Variants in FAT3 observed in about 807,000 individuals in gnomAD.
FAT3 encodes FAT atypical cadherin 3.
FAT3 carries 95 observed loss-of-function variants against 310.2 expected under a neutral mutation model. That is an observed-to-expected ratio of 0.31 (90% CI 0.26 to 0.36). The LOEUF is 0.36. FAT3 is among the 10% of genes least tolerant of loss of function. The pLI is 1.00. For missense variants in FAT3, 5,408 were observed against 5,715.6 expected, an observed-to-expected ratio of 0.95 and a Z score of 1.74; for synonymous variants, 2,314 against 2,192.9, an observed-to-expected ratio of 1.06 and a Z score of -1.54.
chr11:92,711,584 G>A (rs1008223978), intron 4 of FAT3, among the ~76,000 whole-genome samples: 4 of 152,068 alleles, frequency 2.6e-5, no homozygotes, highest in East Asian at 1.9e-4. Context: ...CAGCTTGCAC[G>A]CAAATATGAA....
chr11:92,400,975 A>T (rs1950000216), intron 2 of FAT3, among the ~76,000 whole-genome samples: 1 of 152,220 alleles, frequency 6.6e-6, no homozygotes, highest in South Asian at 2.1e-4. Context: ...AAGAACAAAT[A>T]GAAAATCTGA....
At chr11:92,330,299 T>C (rs550782995) in intron 1 of FAT3, among the ~76,000 whole-genome samples, 43 of 152,312 alleles carry the variant, frequency 2.8e-4, no homozygotes, top group Non-Finnish European at 5.7e-4. Context: ...CATTAATCCA[T>C]GGAAGCTGCC....
At chr11:92,887,444 C>CT (rs2136432068) in intron 25 of FAT3, among the ~76,000 whole-genome samples, 1 of 152,242 alleles carries the variant, frequency 6.6e-6, no homozygotes, top group East Asian at 1.9e-4. Context: ...TAATTTCTTT[C>CT]TTTTTTTATT....
chr11:92,649,891 A>G (rs1200899706), intron 3 of FAT3, among the ~76,000 whole-genome samples: 1 of 59,562 alleles, frequency 1.7e-5, no homozygotes, highest in African/African-American at 6.3e-5. Context: ...ATATATATAT[A>G]TATATATATA....
At chr11:92,442,081 T>TATA (rs1555047741) in intron 2 of FAT3, among the ~76,000 whole-genome samples, 2 of 69,990 alleles carry the variant, frequency 2.9e-5, no homozygotes, top group African/African-American at 1.6e-4. Flanking sequence ...AATATATATT[T>TATA]TATATATATA....
intron 13 of FAT3, among the ~76,000 whole-genome samples, chr11:92,822,812 T>C (rs985547230): frequency 6.6e-6 from 1 of 152,228 alleles, no homozygotes; most frequent in Admixed American, 6.5e-5. Context: ...TTTCAGCTTC[T>C]ACTGTTGTAA....
Position 92,843,991 on chromosome 11 carries a change from A to G in FAT3, c.10624A>G (p.Ile3542Val). The G allele has an allele frequency of 6.2e-7, 1 of 1,613,882 alleles. No individual in the cohort carries two copies. The highest frequency in any genetic ancestry group is 1.3e-5 in the African/African-American group (1 of 75,040). The change falls in exon 19 of 28, where the codon ATT becomes GTT. Residue 3542 changes from isoleucine (I) to valine (V), a missense_variant. By Grantham distance (29) the Ile-to-Val change is conservative (BLOSUM62 3). This residue lies in a region of FAT3 where 4,588 missense variants were observed against 4,809.8 expected (regional missense o/e 0.95). Transcript: ENST00000525166. ...VSHTYIRVRV[I>V]EESTHKPTAI... ...TCACACTTACATCCGCGTGCGAGTC[A>G]TTGAGGAAAGCACCCACAAGCCCAC...
intron 1 of FAT3, among the ~76,000 whole-genome samples, chr11:92,272,385 A>C (rs908167544): frequency 6.6e-6 from 1 of 152,146 alleles, no homozygotes; most frequent in Non-Finnish European, 1.5e-5. Flanking sequence ...CTACTGTCTG[A>C]GTTCCTAGTA....
intron 3 of FAT3, among the ~76,000 whole-genome samples, chr11:92,634,924 TTC>T: frequency 6.6e-6 from 1 of 152,240 alleles, no homozygotes; most frequent in East Asian, 1.9e-4. Flanking sequence ...CCACACAGCG[TTC>T]TCTCTTTCCA....
chr11:92,691,175 T>G (rs551603534), intron 3 of FAT3, among the ~76,000 whole-genome samples: 4 of 152,278 alleles, frequency 2.6e-5, no homozygotes, highest in African/African-American at 9.6e-5. Flanking sequence ...TTCTTCACAC[T>G]GAAAAGATGC....
intron 4 of FAT3, among the ~76,000 whole-genome samples, chr11:92,744,333 C>T (rs1023711665): frequency 2.6e-5 from 4 of 152,150 alleles, no homozygotes; most frequent in Non-Finnish European, 4.4e-5. Flanking sequence ...ATCTTTACCA[C>T]GCATTAAAGT....
chr11:92,658,641 C>T (rs778196712), intron 3 of FAT3, among the ~76,000 whole-genome samples: 4 of 152,160 alleles, frequency 2.6e-5, no homozygotes, highest in South Asian at 2.1e-4. Flanking sequence ...CTGCTGACTC[C>T]GTACTGACTT....
intron 3 of FAT3, among the ~76,000 whole-genome samples, chr11:92,663,092 G>T (rs1326242593): frequency 6.6e-6 from 1 of 152,170 alleles, no homozygotes; most frequent in Non-Finnish European, 1.5e-5. Context: ...CAGAGGAAGC[G>T]GAAATTTTTT....
chr11:92,755,945 A>C (rs1945979170), intron 4 of FAT3, among the ~76,000 whole-genome samples: 1 of 152,220 alleles, frequency 6.6e-6, no homozygotes, highest in Non-Finnish European at 1.5e-5. Context: ...TTATTCATTC[A>C]ACAAATATTT....
intron 2 of FAT3, among the ~76,000 whole-genome samples, chr11:92,439,940 G>GA (rs879502193): frequency 0.035 from 4,794 of 138,676 alleles, 249 homozygotes; most frequent in African/African-American, 0.11. Context: ...AGAAAAGAAA[G>GA]AAAAAAAAAA....
intron 2 of FAT3, among the ~76,000 whole-genome samples, chr11:92,359,025 CAT>C (rs1448681763): frequency 2.0e-5 from 3 of 152,110 alleles, no homozygotes; most frequent in East Asian, 3.9e-4. Flanking sequence ...TTAGAGTACA[CAT>C]GAGTCATCTA....
At chr11:92,718,372 TG>T (rs1329127211) in intron 4 of FAT3, among the ~76,000 whole-genome samples, 1 of 151,858 alleles carries the variant, frequency 6.6e-6, no homozygotes, top group Non-Finnish European at 1.5e-5. Context: ...ATATGGTGGG[TG>T]GGGGTAGGAC....
chr11:92,531,727 A>G (rs80332901), intron 3 of FAT3, among the ~76,000 whole-genome samples: 1,617 of 152,024 alleles, frequency 0.011, 30 homozygotes, highest in African/African-American at 0.037. Context: ...AATTAAGTCC[A>G]GAGTGTGGAC....
At chr11:92,622,473 G>A (rs2135672411) in intron 3 of FAT3, among the ~76,000 whole-genome samples, 1 of 152,314 alleles carries the variant, frequency 6.6e-6, no homozygotes, top group South Asian at 2.1e-4. Context: ...CAAGCAAATA[G>A]AGAGACAGAG....
Sources: allele counts gnomAD v4.1 joint callset (sites outside exome capture counted in the v4.1 genomes callset), GRCh38; gene constraint gnomAD v4.1.1; regional missense constraint gnomAD v4.1.1; transcripts MANE v1.5; gene names NCBI Gene and HGNC (gene_info 2026-07-23, HGNC 2026-07-21).